The following IFT172 variants were observed in gnomAD, a reference collection of about 807,000 sequenced individuals.
The protein encoded by IFT172 is intraflagellar transport 172, also known as intraflagellar transport protein 172 homolog.
In IFT172, 164 loss-of-function variants were observed where a neutral mutation model predicts 248.9. That is an observed-to-expected ratio of 0.66 (90% CI 0.58 to 0.75). The LOEUF (loss-of-function observed/expected upper bound fraction) is 0.75. IFT172 is among the 30% of genes least tolerant of loss of function. The pLI is 0.00. For missense variants in IFT172, 1,950 were observed against 2,192.4 expected, an observed-to-expected ratio of 0.89 and a Z score of 2.21; for synonymous variants, 729 against 791.6, an observed-to-expected ratio of 0.92 and a Z score of 1.33.
intron 42 of IFT172, among the ~76,000 whole-genome samples, chr2:27,447,249 T>C (rs1419900527): frequency 1.3e-5 from 2 of 152,158 alleles, no homozygotes; most frequent in Non-Finnish European, 2.9e-5. Flanking sequence ...TATGTGTACA[T>C]TATAAGAGGT....
chr2:27,447,449 T>A, intron 42 of IFT172, 66 bp downstream of exon 42: 1 of 1,573,696 alleles, frequency 6.4e-7, no homozygotes, highest in Non-Finnish European at 8.6e-7. Flanking sequence ...CGTGAATCAA[T>A]TCAGCTTTAT....
At chr2:27,488,205 G>A (rs1228886067) in intron 1 of IFT172, among the ~76,000 whole-genome samples, 1 of 152,014 alleles carries the variant, frequency 6.6e-6, no homozygotes, top group African/African-American at 2.4e-5. Flanking sequence ...CCAGGCTGGA[G>A]TGCAGTGGCA....
chr2:27,481,987 CTTTT>C (rs139411064), intron 7 of IFT172, among the ~76,000 whole-genome samples: 1 of 141,014 alleles, frequency 7.1e-6, no homozygotes, highest in African/African-American at 2.6e-5. Flanking sequence ...AATAATTCTT[CTTTT>C]TTTTTTTTTT....
chr2:27,484,932 C>T, intron 3 of IFT172, 86 bp downstream of exon 3: 1 of 807,748 alleles, frequency 1.2e-6, no homozygotes, highest in Admixed American at 2.1e-5. Flanking sequence ...GCTTCTCATC[C>T]CCTGTATTTC....
Position 27,445,681 on chromosome 2 carries a change from A to G in IFT172, c.4914+64T>C. ...CTTCCAAAGATGGCAGCACAAAGAT[A>G]TTCTCCCTCCTCAAGGCACTCACAC... On this transcript the variant is annotated intron_variant, in intron 45 of 47. Coordinates refer to ENST00000260570, the MANE Select transcript of IFT172 (RefSeq NM_015662.3). The surrounding 1 kb of genome is among the most constrained non-coding windows in gnomAD (Gnocchi z 4.4). 6.4e-6 allele frequency: 10 copies of G among 1,572,884 alleles called. No homozygotes were observed. Among genetic ancestry groups the G allele is most frequent in the Non-Finnish European group, 8.7e-6 (10 of 1,145,140 alleles).
intron 2 of IFT172, 37 bp downstream of exon 2, chr2:27,485,323 A>G (rs768053021): frequency 1.2e-6 from 2 of 1,612,408 alleles, no homozygotes; most frequent in South Asian, 1.1e-5. Context: ...GACCCCATCA[A>G]TAGGTTAAAT....
At chr2:27,449,665 G>T in intron 37 of IFT172, 26 bp downstream of exon 37, 6 of 1,607,596 alleles carry the variant, frequency 3.7e-6, no homozygotes, top group Non-Finnish European at 4.3e-6. Context: ...AGAGAATTTC[G>T]CAGTAAGAAG....
intron 10 of IFT172, 38 bp downstream of exon 10, chr2:27,479,471 C>G (rs749934685): frequency 1.7e-6 from 2 of 1,142,892 alleles, no homozygotes; most frequent in Non-Finnish European, 2.7e-6. Context: ...GAATGAGCCA[C>G]GCAAGTTCTC....
intron 7 of IFT172, among the ~76,000 whole-genome samples, chr2:27,481,580 C>T (rs1432120491): frequency 4.6e-5 from 7 of 151,428 alleles, no homozygotes; most frequent in African/African-American, 1.5e-4. Context: ...CTCACTCTGC[C>T]GCCCAGGCTG....
At chr2:27,473,984 T>TA (rs1667784817) in intron 14 of IFT172, among the ~76,000 whole-genome samples, 1 of 152,060 alleles carries the variant, frequency 6.6e-6, no homozygotes, top group Non-Finnish European at 1.5e-5. Context: ...ATTTTTGTAT[T>TA]TTTAGTAGAG....
intron 26 of IFT172, among the ~76,000 whole-genome samples, chr2:27,458,491 G>A (rs1000608331): frequency 3.3e-5 from 5 of 152,116 alleles, no homozygotes; most frequent in African/African-American, 7.2e-5. Flanking sequence ...AAGTGTAGGC[G>A]CAAGAACAAA....
chr2:27,453,582 A>G, intron 34 of IFT172, 48 bp downstream of exon 34: 1 of 1,607,666 alleles, frequency 6.2e-7, no homozygotes, highest in Non-Finnish European at 8.5e-7. Flanking sequence ...TGTATGCCTC[A>G]TGACCCTCCC....
intron 26 of IFT172, 82 bp from the exon 27 acceptor site, chr2:27,458,305 A>T: frequency 1.8e-6 from 2 of 1,111,468 alleles, no homozygotes; most frequent in Middle Eastern, 2.0e-4. Context: ...TTGTTCAGAA[A>T]CTCTGAACTC....
chr2:27,444,524 G>C lies in IFT172; in HGVS notation c.5161-3C>G. 6.2e-7 allele frequency: 1 copy of C among 1,612,154 alleles called. No homozygotes were observed. The highest frequency in any genetic ancestry group is 8.5e-7 in the Non-Finnish European group (1 of 1,178,712). Reference sequence around the variant, plus strand: ...TGGCACACTGGGCTGTGGGAGGTCTGTGAGCAAATGGAAGAACATGAGAGG... The same window carrying C: ...TGGCACACTGGGCTGTGGGAGGTCTCTGAGCAAATGGAAGAACATGAGAGG... On this transcript the variant is annotated splice_region_variant and splice_polypyrimidine_tract_variant and intron_variant, in intron 47 of 47. Transcript: ENST00000260570.
In IFT172 at chr2:27,458,179, G is replaced by A. The variant is rs780051107; in HGVS notation, c.2922C>T (p.Tyr974=). 3 of 1,614,154 alleles carry A rather than the reference G, an allele frequency of 1.9e-6. No homozygotes were observed. Among genetic ancestry groups the A allele is most frequent in the Non-Finnish European group, 2.5e-6 (3 of 1,180,020 alleles). ...TCTCCATTTCCTGGGCCTGAGTGAT[G>A]TATAGCACTGACACATCTTCTGGTC... ...CMRPEDVSVL[Y]ITQAQEMEKQ... is the part of the protein sequence containing the mutation. Residue 974 remains tyrosine (Y), a synonymous_variant, in exon 27 of 48, where the codon TAC becomes TAT. Transcript: ENST00000260570.
chr2:27,462,512 G>A (rs1666757969), intron 20 of IFT172, among the ~76,000 whole-genome samples, 189 bp downstream of exon 20: 1 of 152,178 alleles, frequency 6.6e-6, no homozygotes, highest in African/African-American at 2.4e-5. Flanking sequence ...GTCTAGAAAA[G>A]TAAGGACTGA....
At chr2:27,465,634 C>T in intron 17 of IFT172, 112 bp downstream of exon 17, 1 of 1,542,766 alleles carries the variant, frequency 6.5e-7, no homozygotes, top group Non-Finnish European at 8.9e-7. Flanking sequence ...CATCTCCTCC[C>T]AGGATCACTG....
Position 27,472,237 on chromosome 2 carries a change from T to C in IFT172, c.1524+13A>G, listed in dbSNP as rs973999283. The C allele has an allele frequency of 2.5e-6, 4 of 1,597,028 alleles. No individual in the cohort carries two copies. The African/African-American group carries it at 5.4e-5, about 21-fold the overall frequency. On this transcript the variant is annotated intron_variant, in intron 15 of 47. Coordinates refer to ENST00000260570, the MANE Select transcript of IFT172 (RefSeq NM_015662.3). The stretch of plus-strand genomic sequence containing the variant: ...GGCCAGCCAATGCCTAAGGCCTTAG[T>C]AGCTCTTCTCACACGAAGTTTCCGG...
chr2:27,472,038 CAAAAA>C, intron 15 of IFT172: 18 of 502,238 alleles, frequency 3.6e-5, no homozygotes, highest in South Asian at 5.6e-5. Context: ...ACACTGTCTC[CAAAAA>C]AAAAAAAAAA....
Sources: allele counts gnomAD v4.1 joint callset (sites outside exome capture counted in the v4.1 genomes callset), GRCh38; gene constraint gnomAD v4.1.1; non-coding constraint Gnocchi (gnomAD v3.1); transcripts MANE v1.5; gene names NCBI Gene and HGNC (gene_info 2026-07-23, HGNC 2026-07-21).